LINGO1: variants seen among roughly 807,000 people sequenced by gnomAD.
LINGO1 encodes the protein leucine rich repeat and Ig domain containing 1.
A neutral mutation model predicts 37.3 loss-of-function variants in LINGO1; 11 were observed. That is an observed-to-expected ratio of 0.29 (90% confidence interval 0.19 to 0.49). The LOEUF (loss-of-function observed/expected upper bound fraction) is 0.49. Among genes scored for constraint, LINGO1 ranks in the 20% least tolerant of loss-of-function variants. The pLI, the probability that LINGO1 is intolerant of heterozygous loss-of-function variation, is 0.99. For missense variants in LINGO1, 585 were observed against 878.2 expected (o/e 0.67, Z 4.22); for synonymous variants, 387 against 403.0 (o/e 0.96, Z 0.48).
chr15:77,633,809 T>A (rs1476268406), upstream of LINGO1, among the ~76,000 whole-genome samples: 1 of 152,128 alleles, frequency 6.6e-6, no homozygotes, highest in Non-Finnish European at 1.5e-5. Context: ...TCCTCCTTGA[T>A]CCTCAGATAC....
In LINGO1 at chr15:77,764,444, C is replaced by CA. The variant is rs145209741; in HGVS notation, c.-257+22424dup. Among the ~76,000 whole-genome samples, 1,289 of 152,060 alleles carry CA rather than the reference C, an allele frequency of 8.5e-3. 21 individuals carry two copies. The highest frequency in any genetic ancestry group is 0.03 in the African/African-American group (1,238 of 41,466). Reference sequence around the variant, plus strand: ...ATATACCTGCAGCATAGATAGCTGACAAAAAAACTGTTTCCAGGCTATATA... The same window carrying CA: ...ATATACCTGCAGCATAGATAGCTGACAAAAAAAACTGTTTCCAGGCTATATA... On this transcript the variant is annotated intron_variant, in intron 1 of 3. Coordinates refer to the LINGO1 transcript ENST00000561686.
upstream of LINGO1, among the ~76,000 whole-genome samples, chr15:77,697,800 G>A (rs1002360231): frequency 1.2e-4 from 19 of 152,156 alleles, no homozygotes; most frequent in African/African-American, 4.3e-4. Context: ...AAGGATCTTT[G>A]AAGGGGTATT....
chr15:77,634,772 C>T (rs1254201779), upstream of LINGO1, among the ~76,000 whole-genome samples: 1 of 151,950 alleles, frequency 6.6e-6, no homozygotes, highest in Non-Finnish European at 1.5e-5. Context: ...CCCCCCACCC[C>T]GGCTGTTTGT....
intron 1 of LINGO1, among the ~76,000 whole-genome samples, chr15:77,767,466 T>C (rs909291162): frequency 1.3e-5 from 2 of 152,070 alleles, no homozygotes; most frequent in Non-Finnish European, 2.9e-5. Context: ...CTTCACAAAA[T>C]GGGAGTGTAA....
At chr15:77,758,046 T>C (rs2076437877) in intron 1 of LINGO1, among the ~76,000 whole-genome samples, 1 of 152,232 alleles carries the variant, frequency 6.6e-6, no homozygotes, top group Admixed American at 6.5e-5. Context: ...TTCAGCAAAG[T>C]GAGGCTAATT....
chr15:77,752,570 A>G (rs1048756691), intron 1 of LINGO1, among the ~76,000 whole-genome samples: 2 of 152,224 alleles, frequency 1.3e-5, no homozygotes, highest in African/African-American at 4.8e-5. Flanking sequence ...GGGAAAGATT[A>G]CAGGTTGGGC....
At chr15:77,655,196 T>G (rs1255751964) in intron 3 of LINGO1, among the ~76,000 whole-genome samples, 4 of 152,162 alleles carry the variant, frequency 2.6e-5, no homozygotes, top group Non-Finnish European at 5.9e-5. Flanking sequence ...GGGAACTTCC[T>G]GGAAGGAGGG....
At chr15:77,701,635 C>T (rs575513037) in intron 2 of LINGO1, among the ~76,000 whole-genome samples, 80 of 152,254 alleles carry the variant, frequency 5.3e-4, no homozygotes, top group Non-Finnish European at 5.1e-4. Context: ...CGCCCTCTAA[C>T]GAGTAACAAG....
intron 2 of LINGO1, among the ~76,000 whole-genome samples, chr15:77,709,208 T>C (rs1042809824): frequency 2.0e-5 from 3 of 152,212 alleles, no homozygotes; most frequent in African/African-American, 7.2e-5. Flanking sequence ...CAATAATTGT[T>C]CTAACAACTG....
chr15:77,713,765 C>T (rs1466579094), intron 2 of LINGO1, among the ~76,000 whole-genome samples: 4 of 152,232 alleles, frequency 2.6e-5, no homozygotes, highest in Admixed American at 1.3e-4. Flanking sequence ...TCATCATGCC[C>T]GCAGCTGACT....
chr15:77,812,864 G>A lies in LINGO1; in HGVS notation c.-458+7394C>T, dbSNP rs551669534. Among the ~76,000 whole-genome samples the A allele has an allele frequency of 8.5e-5, 13 of 152,342 alleles. No homozygotes were observed. The East Asian group carries it at 2.3e-3, about 27-fold the overall frequency. The stretch of plus-strand genomic sequence containing the variant: ...AGGGAGGGCCGTATCTATGATGAGC[G>A]TCTCAGGAGCAAAGCAACCCATAAC... On this transcript the variant is annotated intron_variant, in intron 1 of 5. Coordinates refer to the LINGO1 transcript ENST00000562933.
intron 1 of LINGO1, among the ~76,000 whole-genome samples, chr15:77,737,459 G>A (rs1477326356): frequency 6.6e-6 from 1 of 152,026 alleles, no homozygotes; most frequent in Non-Finnish European, 1.5e-5. Context: ...GGAAGGGGAG[G>A]AAGGAGGGAG....
upstream of LINGO1, among the ~76,000 whole-genome samples, chr15:77,790,620 G>A (rs749184236): frequency 9.2e-5 from 14 of 152,190 alleles, no homozygotes; most frequent in Non-Finnish European, 1.5e-5. Context: ...GCCCCAGGAA[G>A]GCAGGGGTGG....
chr15:77,701,020 C>T (rs1400317449), upstream of LINGO1, among the ~76,000 whole-genome samples: 1 of 152,180 alleles, frequency 6.6e-6, no homozygotes, highest in Non-Finnish European at 1.5e-5. Flanking sequence ...TATGTGCACT[C>T]CTACACTGAA....
At chr15:77,805,956 C>A (rs780542182) in intron 1 of LINGO1, among the ~76,000 whole-genome samples, 5 of 152,204 alleles carry the variant, frequency 3.3e-5, no homozygotes, top group Non-Finnish European at 5.9e-5. Flanking sequence ...TACCTGACCC[C>A]ACCCGGGGCT....
chr15:77,742,601 C>T (rs2076275229), intron 1 of LINGO1, among the ~76,000 whole-genome samples: 2 of 152,214 alleles, frequency 1.3e-5, no homozygotes, highest in African/African-American at 4.8e-5. Flanking sequence ...TCTGCCTCAT[C>T]CAGGATGTAG....
chr15:77,655,661 C>T (rs2074849578), intron 3 of LINGO1, among the ~76,000 whole-genome samples: 1 of 152,236 alleles, frequency 6.6e-6, no homozygotes, highest in Non-Finnish European at 1.5e-5. Context: ...ACCCATCTTA[C>T]AGACTGGAGA....
intron 1 of LINGO1, among the ~76,000 whole-genome samples, chr15:77,801,956 G>T (rs1313578027): frequency 1.3e-5 from 2 of 152,188 alleles, no homozygotes; most frequent in Non-Finnish European, 2.9e-5. Flanking sequence ...CACAGCCCTG[G>T]GGAACCCAGA....
chr15:77,703,401 G>A (rs2075809366), intron 2 of LINGO1, among the ~76,000 whole-genome samples: 1 of 152,198 alleles, frequency 6.6e-6, no homozygotes, highest in East Asian at 1.9e-4. Context: ...GAGCCAGGAG[G>A]AGGGAACACC....
Sources: allele counts gnomAD v4.1 joint callset (sites outside exome capture counted in the v4.1 genomes callset), GRCh38; gene constraint gnomAD v4.1.1; transcripts MANE v1.5; gene names NCBI Gene and HGNC (gene_info 2026-07-23, HGNC 2026-07-21).